RGS6: variants seen among roughly 807,000 people sequenced by gnomAD.
RGS6 encodes regulator of G-protein signaling 6.
A neutral mutation model predicts 78.5 loss-of-function variants in RGS6; 30 were observed. That is an observed-to-expected ratio of 0.38 (90% confidence interval 0.29 to 0.52). RGS6 has a LOEUF of 0.52. Ranked by LOEUF, RGS6 falls within the 20% of genes least tolerant of loss-of-function variation. RGS6 has a pLI of 0.85. For synonymous variants in RGS6, 206 were observed against 206.0 expected, an observed-to-expected ratio of 1.00 and a Z score of 0.00; for missense variants, 495 against 609.7, an observed-to-expected ratio of 0.81 and a Z score of 1.98.
At chr14:72,286,613 T>C (rs1239936784) in intron 2 of RGS6, among the ~76,000 whole-genome samples, 1 of 152,184 alleles carries the variant, frequency 6.6e-6, no homozygotes, top group African/African-American at 2.4e-5. Flanking sequence ...TATAGATATT[T>C]TAGCAATATT....
At chr14:71,928,943 A>C (rs2087760599), upstream of RGS6, among the ~76,000 whole-genome samples, 1 of 152,212 alleles carries the variant, frequency 6.6e-6, no homozygotes, top group Non-Finnish European at 1.5e-5. Flanking sequence ...AATTTTTTTA[A>C]TTTGGTAAGA....
chr14:72,309,452 C>T (rs1460861642), intron 2 of RGS6, among the ~76,000 whole-genome samples: 1 of 152,178 alleles, frequency 6.6e-6, no homozygotes, highest in Non-Finnish European at 1.5e-5. Context: ...TGAGTGGATA[C>T]ATATGTGTCT....
At chr14:72,115,956 T>C (rs545319226) in intron 2 of RGS6, among the ~76,000 whole-genome samples, 1 of 152,310 alleles carries the variant, frequency 6.6e-6, no homozygotes, top group South Asian at 2.1e-4. Flanking sequence ...ACTAAGTTCT[T>C]AGATGCAGAC....
intron 16 of RGS6, 21 bp from the exon 17 acceptor site, chr14:72,540,020 C>G (rs758782168): frequency 7.8e-6 from 12 of 1,535,784 alleles, no homozygotes; most frequent in South Asian, 1.2e-5. Context: ...TTCTCCCTAC[C>G]CTTTTTTTTT....
chr14:72,396,306 C>T (rs1428447497), intron 3 of RGS6, among the ~76,000 whole-genome samples: 1 of 152,102 alleles, frequency 6.6e-6, no homozygotes, highest in Non-Finnish European at 1.5e-5. Flanking sequence ...AGCATTTTTC[C>T]CATGTGTTTT....
At chr14:71,964,706 T>C (rs908154716) in intron 1 of RGS6, 66 bp from the exon 2 acceptor site, 25 of 1,080,786 alleles carry the variant, frequency 2.3e-5, no homozygotes, top group Non-Finnish European at 3.2e-5. Flanking sequence ...CTTAATTCTT[T>C]GCATTTCAAA....
the RGS6 span, among the ~76,000 whole-genome samples, chr14:71,877,556 T>C: frequency 6.6e-6 from 1 of 152,218 alleles, no homozygotes; most frequent in Non-Finnish European, 1.5e-5. Flanking sequence ...TCTACACTGT[T>C]TATTCTAGTT....
chr14:72,125,657 G>A (rs1300304217), intron 2 of RGS6, among the ~76,000 whole-genome samples: 1 of 152,066 alleles, frequency 6.6e-6, no homozygotes, highest in African/African-American at 2.4e-5. Flanking sequence ...GGTGATTGGA[G>A]GTGGGGGAAA....
chr14:72,567,821 CA>C (rs1170518803), downstream of RGS6, among the ~76,000 whole-genome samples: 1 of 152,212 alleles, frequency 6.6e-6, no homozygotes, highest in Non-Finnish European at 1.5e-5. Context: ...CTCCCTCCGC[CA>C]CCCTTCCTTC....
intron 15 of RGS6, among the ~76,000 whole-genome samples, chr14:72,534,949 C>T (rs1160223648): frequency 6.6e-6 from 1 of 152,212 alleles, no homozygotes; most frequent in Non-Finnish European, 1.5e-5. Flanking sequence ...TCCACCAGGA[C>T]AGCCATTAAC....
Position 72,406,482 on chromosome 14 carries a change from T to C in RGS6, c.185-48046T>C, listed in dbSNP as rs372175464. On this transcript the variant is annotated intron_variant, in intron 3 of 17. Coordinates refer to ENST00000553525, the MANE Select transcript of RGS6 (RefSeq NM_001204424.2). ...GTGAAAACAGGCAAAGGCAGTCGTG[T>C]GTAGGTTCTGGTGACCAGGAACTGG... Among the ~76,000 whole-genome samples, 4 of 152,282 alleles carry C rather than the reference T, an allele frequency of 2.6e-5. No individual in the cohort carries two copies. In the East Asian group the frequency reaches 7.7e-4, roughly 29 times the overall value.
At chr14:72,380,547 G>A (rs1287487058) in intron 3 of RGS6, among the ~76,000 whole-genome samples, 1 of 150,664 alleles carries the variant, frequency 6.6e-6, no homozygotes, top group Non-Finnish European at 1.5e-5. Context: ...AGACATACAA[G>A]TGACCAAAAA....
chr14:71,890,618 A>G, the RGS6 span, among the ~76,000 whole-genome samples: 2 of 152,166 alleles, frequency 1.3e-5, no homozygotes, highest in African/African-American at 4.8e-5. Flanking sequence ...CTGCCTGCAG[A>G]TTCTGCCATG....
At chr14:72,098,987 A>G (rs890400650) in intron 2 of RGS6, among the ~76,000 whole-genome samples, 1 of 152,232 alleles carries the variant, frequency 6.6e-6, no homozygotes, top group Admixed American at 6.5e-5. Flanking sequence ...GTCTCTGTCC[A>G]TGCATCCTTA....
At chr14:72,557,191 G>A (rs1427256700) in intron 17 of RGS6, among the ~76,000 whole-genome samples, 1 of 152,140 alleles carries the variant, frequency 6.6e-6, no homozygotes, top group African/African-American at 2.4e-5. Context: ...GTTTCACAGA[G>A]TTGAGTTAAT....
intron 2 of RGS6, among the ~76,000 whole-genome samples, chr14:72,300,014 ATTCT>A (rs1274164939): frequency 2.6e-5 from 4 of 151,930 alleles, no homozygotes; most frequent in Middle Eastern, 6.8e-3. Context: ...TTACTACTTC[ATTCT>A]TTTACTTACC....
intron 3 of RGS6, among the ~76,000 whole-genome samples, chr14:72,372,283 T>C (rs899872744): frequency 6.6e-6 from 1 of 152,210 alleles, no homozygotes; most frequent in Non-Finnish European, 1.5e-5. Context: ...AAGGCATGTT[T>C]TGTACAAATA....
chr14:72,620,076 C>T, the RGS6 span: 47 of 1,337,550 alleles, frequency 3.5e-5, no homozygotes, highest in Non-Finnish European at 4.2e-5. Context: ...CTTATTTCCA[C>T]GTCGGTCTCA....
intron 2 of RGS6, among the ~76,000 whole-genome samples, chr14:71,987,388 A>G (rs1340823360): frequency 6.6e-6 from 1 of 152,148 alleles, no homozygotes; most frequent in Non-Finnish European, 1.5e-5. Context: ...TGCTCCTGTT[A>G]GGCCCCACAA....
Sources: allele counts gnomAD v4.1 joint callset (sites outside exome capture counted in the v4.1 genomes callset), GRCh38; gene constraint gnomAD v4.1.1; transcripts MANE v1.5; gene names NCBI Gene and HGNC (gene_info 2026-07-23, HGNC 2026-07-21).